HSPA12A: variants seen among roughly 807,000 people sequenced by gnomAD.
HSPA12A encodes the protein heat shock 70 kDa protein 12A.
HSPA12A carries 28 observed loss-of-function variants against 69.2 expected under a neutral mutation model. The ratio of observed to expected loss-of-function variants is 0.40; its 90% CI spans 0.30 to 0.55. The LOEUF (loss-of-function observed/expected upper bound fraction) is 0.55. HSPA12A is among the 20% of genes least tolerant of loss of function. The pLI is 0.38. For missense variants in HSPA12A, 686 were observed against 900.7 expected (o/e 0.76, Z 3.05); for synonymous variants, 345 against 370.5 (o/e 0.93, Z 0.79).
chr10:116,676,413 A>T lies in HSPA12A; in HGVS notation c.1376T>A (p.Ile459Asn), dbSNP rs782401482. The T allele has an allele frequency of 2.5e-6, 4 of 1,613,732 alleles. No individual in the cohort carries two copies. In the South Asian group the frequency reaches 4.4e-5, roughly 18 times the overall value. ...NALFKPTIDSIIEHLRDLFQK... is the reference protein window; with the variant it reads ...NALFKPTIDSNIEHLRDLFQK... The stretch of plus-strand genomic sequence containing the variant: ...CTGATACTTACGGAGATGCTCAATG[A>T]TGCTATCGATGGTCGGCTTAAAAAG... Residue 459 changes from isoleucine to asparagine, a missense_variant, in exon 11 of 12, where the codon ATC becomes AAC. Ile to Asn is a moderately radical substitution (Grantham distance 149, BLOSUM62 -3). Coordinates refer to ENST00000369209, the MANE Select transcript of HSPA12A (RefSeq NM_025015.3).
intron 4 of HSPA12A, among the ~76,000 whole-genome samples, chr10:116,700,540 G>A (rs1253261002): frequency 6.6e-6 from 1 of 152,130 alleles, no homozygotes; most frequent in Non-Finnish European, 1.5e-5. Context: ...CCCTGAGCTC[G>A]CCATGTGTCC....
chr10:116,785,201 C>A (rs1362546616), intron 2 of HSPA12A, among the ~76,000 whole-genome samples: 2 of 152,122 alleles, frequency 1.3e-5, no homozygotes, highest in African/African-American at 2.4e-5. Flanking sequence ...CCTCCCCCTC[C>A]CACCCACCGC....
intron 1 of HSPA12A, among the ~76,000 whole-genome samples, chr10:116,726,027 G>GCGCGCGCGCACACACA (rs140160132): frequency 6.8e-6 from 1 of 146,114 alleles, no homozygotes; most frequent in Non-Finnish European, 1.5e-5. Context: ...ACACACACAC[G>GCGCGCGCGCACACACA]CACACACACA....
upstream of HSPA12A, chr10:116,742,655 C>T (rs1851554324): frequency 2.1e-6 from 2 of 966,360 alleles, no homozygotes; most frequent in Non-Finnish European, 2.5e-6. Flanking sequence ...CCGCCCGGCG[C>T]CCCGCCCCTC....
intron 2 of HSPA12A, among the ~76,000 whole-genome samples, chr10:116,777,787 G>A (rs1443795330): frequency 6.6e-6 from 1 of 152,228 alleles, no homozygotes; most frequent in East Asian, 1.9e-4. Context: ...GAGTACAGTG[G>A]CGCAATCTCA....
chr10:116,737,160 G>T (rs1448389690), intron 1 of HSPA12A, among the ~76,000 whole-genome samples: 3 of 152,280 alleles, frequency 2.0e-5, no homozygotes, highest in African/African-American at 7.2e-5. Flanking sequence ...TCACAGAGCA[G>T]GTCAATGACA....
chr10:116,724,438 C>T lies in HSPA12A; in HGVS notation c.41-17153G>A, dbSNP rs781928439. The stretch of plus-strand genomic sequence containing the variant: ...GCCATGGGGTCTTCACCAAGATTCA[C>T]GACCTTTTGAGTCTCCATCTCCTCT... On this transcript the variant is annotated intron_variant, in intron 1 of 11. Transcript: ENST00000369209. 7.2e-5 allele frequency among the ~76,000 whole-genome samples: 11 copies of T among 152,270 alleles called. No homozygotes were observed. In the East Asian group the frequency reaches 1.2e-3, roughly 16 times the overall value.
Position 116,833,655 on chromosome 10 carries a change from A to G in HSPA12A, c.91+1280T>C, listed in dbSNP as rs114067073. 3.6e-3 allele frequency among the ~76,000 whole-genome samples: 545 copies of G among 152,344 alleles called. 2 individuals carry two copies. Among genetic ancestry groups the G allele is most frequent in the African/African-American group, 0.013 (527 of 41,572 alleles). On this transcript the variant is annotated intron_variant, in intron 2 of 12. Coordinates refer to the HSPA12A transcript ENST00000635765. ...ACCTACGATGTGACAGGCACTGTCTATCCCACTGAGTATTACAGAATTTGT... is the reference window on the plus strand; with the variant it reads ...ACCTACGATGTGACAGGCACTGTCTGTCCCACTGAGTATTACAGAATTTGT...
chr10:116,735,739 G>C (rs1156582559), intron 1 of HSPA12A, among the ~76,000 whole-genome samples: 9 of 151,916 alleles, frequency 5.9e-5, no homozygotes, highest in African/African-American at 2.2e-4. Flanking sequence ...GCTCATGCCT[G>C]TAATCTCAGC....
intron 10 of HSPA12A, among the ~76,000 whole-genome samples, chr10:116,678,410 G>T (rs1397021651): frequency 7.0e-6 from 1 of 143,182 alleles, no homozygotes; most frequent in Non-Finnish European, 1.5e-5. Flanking sequence ...CACCACGGAC[G>T]TGAGATGAGC....
At chr10:116,750,243 T>A in intron 2 of HSPA12A, 1 of 793,554 alleles carries the variant, frequency 1.3e-6, no homozygotes. Flanking sequence ...AGGTCTGGCA[T>A]GGGCAAGATC....
At chr10:116,724,080 C>T (rs1474449134) in intron 1 of HSPA12A, among the ~76,000 whole-genome samples, 1 of 152,186 alleles carries the variant, frequency 6.6e-6, no homozygotes, top group Non-Finnish European at 1.5e-5. Context: ...AGCCCTGCAC[C>T]TGGGGAGGGC....
In HSPA12A at chr10:116,705,189, G is replaced by T; in HGVS notation, c.216C>A (p.Tyr72Ter). ...TGCATTCCGGCTCCTTGGTGAAGCT[G>T]TAGGCATAGCCACTGGATGTGGTCC... ...DFGTTSSGYA[Y>*]SFTKEPECIH... Residue 72 changes from tyrosine to a stop codon, truncating the protein, a stop_gained, in exon 3 of 12, where the codon TAC (tyrosine) becomes TAA (stop). Transcript: ENST00000369209. LOFTEE classifies it high-confidence loss of function. The T allele has an allele frequency of 6.2e-7, 1 of 1,614,226 alleles. No individual in the cohort carries two copies. The highest frequency in any genetic ancestry group is 8.5e-7 in the Non-Finnish European group (1 of 1,180,038).
At chr10:116,849,635 G>A in exon 1 of HSPA12A, 1 of 1,550,264 alleles carries the variant, frequency 6.5e-7, no homozygotes, top group South Asian at 1.2e-5. Flanking sequence ...AGCAGCAGGC[G>A]ATGGAGTACT....
intron 3 of HSPA12A, 79 bp from the exon 4 acceptor site, chr10:116,701,208 G>T: frequency 1.5e-6 from 2 of 1,336,812 alleles, no homozygotes; most frequent in African/African-American, 1.4e-5. Flanking sequence ...AACACCTACT[G>T]TATGCATGAG....
At chr10:116,775,867 C>G (rs1012413983) in intron 2 of HSPA12A, among the ~76,000 whole-genome samples, 1 of 152,130 alleles carries the variant, frequency 6.6e-6, no homozygotes, top group African/African-American at 2.4e-5. Context: ...AGCTGGGGAG[C>G]TATGCCTTCT....
intron 3 of HSPA12A, among the ~76,000 whole-genome samples, chr10:116,703,844 A>G (rs1850151882): frequency 1.3e-5 from 2 of 152,242 alleles, no homozygotes; most frequent in African/African-American, 4.8e-5. Context: ...CAGGAGGCCC[A>G]GGGCAACTTT....
chr10:116,699,923 C>CACTT (rs1211154940), intron 4 of HSPA12A, among the ~76,000 whole-genome samples: 21 of 152,368 alleles, frequency 1.4e-4, no homozygotes, highest in African/African-American at 4.3e-4. Context: ...CTGAGTTTCC[C>CACTT]ACTTATGTTT....
intron 1 of HSPA12A, among the ~76,000 whole-genome samples, chr10:116,711,995 C>A (rs756592089): frequency 6.6e-6 from 1 of 152,048 alleles, no homozygotes; most frequent in Non-Finnish European, 1.5e-5. Context: ...CCAACACTGA[C>A]CCTTTCAAGA....
Sources: gnomAD v4.1 joint callset for allele counts (sites outside exome capture counted in the v4.1 genomes callset) on GRCh38, gnomAD v4.1.1 for gene constraint, MANE v1.5 for transcripts, NCBI Gene and HGNC (gene_info 2026-07-23, HGNC 2026-07-21) for gene names.